The following DNER variants were observed in gnomAD, a reference collection of about 807,000 sequenced individuals.
DNER encodes the protein delta/notch like EGF repeat containing, also known as delta and Notch-like epidermal growth factor-related receptor.
In DNER, 33 loss-of-function variants were observed where a neutral mutation model predicts 78.2. The ratio of observed to expected loss-of-function variants is 0.42; its 90% CI spans 0.32 to 0.56. DNER has a LOEUF of 0.56. Ranked by LOEUF, DNER falls within the 20% of genes least tolerant of loss-of-function variation. DNER has a pLI of 0.11. For missense variants in DNER, 918 were observed against 975.3 expected, an observed-to-expected ratio of 0.94 and a Z score of 0.78; for synonymous variants, 417 against 384.8, an observed-to-expected ratio of 1.08 and a Z score of -0.98.
intron 1 of DNER, among the ~76,000 whole-genome samples, chr2:229,704,896 C>A (rs897172582): frequency 1.3e-5 from 2 of 152,212 alleles, no homozygotes; most frequent in African/African-American, 4.8e-5. Flanking sequence ...TTTTCGTGTT[C>A]TTTTCATTGT....
intron 1 of DNER, among the ~76,000 whole-genome samples, chr2:229,700,423 C>T (rs1699727985): frequency 6.7e-6 from 1 of 149,164 alleles, no homozygotes; most frequent in African/African-American, 2.5e-5. Flanking sequence ...GCAACCTCTG[C>T]CTCCCAGGTT....
At chr2:229,379,214 C>A (rs1180328465) in intron 11 of DNER, among the ~76,000 whole-genome samples, 1 of 152,068 alleles carries the variant, frequency 6.6e-6, no homozygotes, top group Non-Finnish European at 1.5e-5. Flanking sequence ...CTGGGAGTAG[C>A]TCATAGCATA....
At chr2:229,607,242 A>G (rs16826257) in intron 1 of DNER, among the ~76,000 whole-genome samples, 6,933 of 152,214 alleles carry the variant, frequency 0.046, 477 homozygotes, top group African/African-American at 0.15. Flanking sequence ...AACTGTCCTG[A>G]TATCTTTGAT....
chr2:229,476,571 A>G (rs1267549273), intron 7 of DNER, among the ~76,000 whole-genome samples: 1 of 152,108 alleles, frequency 6.6e-6, no homozygotes, highest in Non-Finnish European at 1.5e-5. Flanking sequence ...TCCCTTCCAT[A>G]ACATCCCTGC....
intron 1 of DNER, among the ~76,000 whole-genome samples, chr2:229,673,298 G>A (rs539732542): frequency 6.6e-6 from 1 of 152,160 alleles, no homozygotes; most frequent in African/African-American, 2.4e-5. Flanking sequence ...CTGAGAAGAA[G>A]GCACGAGATG....
intron 6 of DNER, among the ~76,000 whole-genome samples, chr2:229,512,173 A>AG (rs1559153388): frequency 6.6e-6 from 1 of 152,228 alleles, no homozygotes; most frequent in East Asian, 1.9e-4. Context: ...ACCTGAGGTC[A>AG]GAAGTTCAAG....
intron 1 of DNER, among the ~76,000 whole-genome samples, chr2:229,712,559 T>A (rs929219502): frequency 2.0e-5 from 3 of 152,232 alleles, no homozygotes; most frequent in African/African-American, 4.8e-5. Flanking sequence ...AGCAGTTTGA[T>A]GGACACACTC....
At chr2:229,540,366 C>T (rs1696487929) in intron 5 of DNER, among the ~76,000 whole-genome samples, 1 of 152,092 alleles carries the variant, frequency 6.6e-6, no homozygotes, top group African/African-American at 2.4e-5. Context: ...GCTGCTCATA[C>T]ATCAGCTATG....
intron 1 of DNER, among the ~76,000 whole-genome samples, chr2:229,676,865 T>C (rs559152592): frequency 6.6e-6 from 1 of 152,306 alleles, no homozygotes; most frequent in Non-Finnish European, 1.5e-5. Context: ...TTGGATACCA[T>C]GCTCACAGTA....
At chr2:229,522,891 A>G (rs1201999336) in intron 5 of DNER, among the ~76,000 whole-genome samples, 1 of 152,216 alleles carries the variant, frequency 6.6e-6, no homozygotes, top group East Asian at 1.9e-4. Flanking sequence ...AGCCTTCCAA[A>G]ATAAGTGTGA....
At chr2:229,605,649 A>C (rs1013726780) in intron 1 of DNER, among the ~76,000 whole-genome samples, 1 of 152,144 alleles carries the variant, frequency 6.6e-6, no homozygotes, top group African/African-American at 2.4e-5. Flanking sequence ...GCCATGTTGA[A>C]CTATGTGAAT....
rs1251775973 is a variant in DNER, at chr2:229,645,179, AT to A, written c.277-53292del. Reference sequence around the variant, plus strand: ...ACCCGGTTAAATTTTTTTTATTTGTATTTTTTTCTAAGAAATTGGGTCTTGC... The same window carrying A: ...ACCCGGTTAAATTTTTTTTATTTGTATTTTTTCTAAGAAATTGGGTCTTGC... On this transcript the variant is annotated intron_variant, in intron 1 of 12. Transcript: ENST00000341772. Among the ~76,000 whole-genome samples the A allele has an allele frequency of 2.6e-5, 4 of 151,958 alleles. No individual in the cohort carries two copies. In the East Asian group the frequency reaches 7.7e-4, roughly 29 times the overall value.
chr2:229,626,605 C>T (rs1698349060), intron 1 of DNER, among the ~76,000 whole-genome samples: 1 of 152,178 alleles, frequency 6.6e-6, no homozygotes. Flanking sequence ...GCAACATTTT[C>T]CTATACCCCA....
At chr2:229,494,492 A>G (rs1054712294) in intron 6 of DNER, among the ~76,000 whole-genome samples, 1 of 152,234 alleles carries the variant, frequency 6.6e-6, no homozygotes, top group Non-Finnish European at 1.5e-5. Flanking sequence ...AATCCATCAG[A>G]ACGTAACAGC....
intron 1 of DNER, among the ~76,000 whole-genome samples, chr2:229,690,553 G>T (rs187940339): frequency 6.6e-6 from 1 of 152,096 alleles, no homozygotes; most frequent in Non-Finnish European, 1.5e-5. Context: ...TTGCTACACC[G>T]AATGCACCCA....
chr2:229,526,222 A>G (rs1379635436), intron 5 of DNER, among the ~76,000 whole-genome samples: 1 of 152,198 alleles, frequency 6.6e-6, no homozygotes, highest in Non-Finnish European at 1.5e-5. Flanking sequence ...CTTTTGTGTG[A>G]TAATTTAATC....
chr2:229,412,680 G>T (rs6761181), intron 9 of DNER, among the ~76,000 whole-genome samples: 61,883 of 151,952 alleles, frequency 0.41, 13,872 homozygotes, highest in Non-Finnish European at 0.5. Flanking sequence ...GGGGCCTGGA[G>T]ACCCACGTCA....
rs572723646 is a variant in DNER, at chr2:229,705,609, C to T, written c.276+8539G>A. On this transcript the variant is annotated intron_variant, in intron 1 of 12. Transcript: ENST00000341772. ...CACAGCAGTACAGTAAGAGTAATGACCCCATACTCAAAGCCACCATGCCTG... is the reference window on the plus strand; with the variant it reads ...CACAGCAGTACAGTAAGAGTAATGATCCCATACTCAAAGCCACCATGCCTG... Among the ~76,000 whole-genome samples, 7 of 152,234 alleles carry T rather than the reference C, an allele frequency of 4.6e-5. No individual in the cohort carries two copies. The East Asian group carries it at 1.2e-3, about 25-fold the overall frequency.
chr2:229,561,944 C>T (rs1253018443), intron 4 of DNER, among the ~76,000 whole-genome samples: 1 of 152,150 alleles, frequency 6.6e-6, no homozygotes, highest in Non-Finnish European at 1.5e-5. Flanking sequence ...CGAGCACGCG[C>T]CCTTCCTATT....
Sources: gnomAD v4.1 joint callset for allele counts (sites outside exome capture counted in the v4.1 genomes callset) on GRCh38, gnomAD v4.1.1 for gene constraint, MANE v1.5 for transcripts, NCBI Gene and HGNC (gene_info 2026-07-23, HGNC 2026-07-21) for gene names.